Variants in NR1H4 observed in about 807,000 individuals in gnomAD.
The protein encoded by NR1H4 is nuclear receptor subfamily 1 group H member 4.
Under a neutral mutation model 58.5 loss-of-function variants are expected in NR1H4, and 23 were observed. The ratio of observed to expected loss-of-function variants is 0.39; its 90% CI spans 0.28 to 0.56. The LOEUF (loss-of-function observed/expected upper bound fraction) is 0.56, where lower values mean the gene tolerates loss of function less well. Among genes scored for constraint, NR1H4 ranks in the 20% least tolerant of loss-of-function variants. The pLI, the probability that NR1H4 is intolerant of heterozygous loss-of-function variation, is 0.58. For synonymous variants in NR1H4, 214 were observed against 198.0 expected, an observed-to-expected ratio of 1.08 and a Z score of -0.68; for missense variants, 487 against 576.9, an observed-to-expected ratio of 0.84 and a Z score of 1.60.
At chr12:100,482,327 T>C (rs540329088) in intron 1 of NR1H4, among the ~76,000 whole-genome samples, 1 of 152,360 alleles carries the variant, frequency 6.6e-6, no homozygotes, top group Non-Finnish European at 1.5e-5. Flanking sequence ...TCGGCTCTTG[T>C]GTGTATTGTG....
At chr12:100,559,224 C>A (rs1286770025) in intron 9 of NR1H4, among the ~76,000 whole-genome samples, 2 of 152,204 alleles carry the variant, frequency 1.3e-5, no homozygotes, top group Non-Finnish European at 2.9e-5. Flanking sequence ...TGCTGGCAGT[C>A]CTCAGAGCCC....
chr12:100,543,270 T>A (rs1030812734), intron 9 of NR1H4, among the ~76,000 whole-genome samples: 4 of 152,080 alleles, frequency 2.6e-5, no homozygotes, highest in African/African-American at 9.7e-5. Context: ...ATTGAGGGCC[T>A]TGGATGCTGG....
At chr12:100,548,763 A>C (rs761981860) in intron 9 of NR1H4, among the ~76,000 whole-genome samples, 3 of 152,194 alleles carry the variant, frequency 2.0e-5, no homozygotes, top group Non-Finnish European at 2.9e-5. Context: ...TTCTAGGGGA[A>C]ATATATTTGA....
rs1555330004 is a variant in NR1H4 at position 100,475,159 on chromosome 12, A to ATCT, written c.-190+1100_-190+1101insTCT. On this transcript the variant is annotated intron_variant, in intron 1 of 10. Transcript: ENST00000392986. ...TATCTATCTATCTATCTATCTATCT[A>ATCT]AATTTTTTTTTCTGTTCCTAAAAAA... Among the ~76,000 whole-genome samples, 779 of 147,836 alleles carry ATCT rather than the reference A, an allele frequency of 5.3e-3. 4 individuals are homozygous for ATCT. Among genetic ancestry groups the ATCT allele is most frequent in the African/African-American group, 0.02 (745 of 38,146 alleles).
At chr12:100,554,392 AAC>A (rs60582622) in intron 9 of NR1H4, among the ~76,000 whole-genome samples, 2,906 of 147,684 alleles carry the variant, frequency 0.02, 36 homozygotes, top group African/African-American at 0.032. Flanking sequence ...ACTTGTAAAT[AAC>A]ACACACACAC....
chr12:100,547,393 C>A (rs560155696), intron 9 of NR1H4, among the ~76,000 whole-genome samples: 1 of 152,200 alleles, frequency 6.6e-6, no homozygotes, highest in South Asian at 2.1e-4. Context: ...GGCTCCCTAC[C>A]ATTTTGGTAA....
At chr12:100,491,531 C>T (rs186636701) in intron 1 of NR1H4, among the ~76,000 whole-genome samples, 73 of 150,320 alleles carry the variant, frequency 4.9e-4, no homozygotes, top group Non-Finnish European at 3.1e-4. Flanking sequence ...TGGTCAAACA[C>T]AGCTACACTG....
In NR1H4 at chr12:100,538,373, G is replaced by A. The variant is rs139823345; in HGVS notation, c.931+1326G>A. On this transcript the variant is annotated intron_variant, in intron 8 of 10. Transcript: ENST00000392986. The stretch of plus-strand genomic sequence containing the variant: ...GGGCTTGAAATAAAGCAATAGCAGT[G>A]GGGAAGAGAAGAAGAAACAAAAAGA... Among the ~76,000 whole-genome samples the A allele has an allele frequency of 1.3e-3, 203 of 152,222 alleles. 1 individual carries two copies. Among genetic ancestry groups the A allele is most frequent in the African/African-American group, 4.6e-3 (190 of 41,528 alleles).
intron 4 of NR1H4, among the ~76,000 whole-genome samples, chr12:100,516,199 G>A (rs1351143757): frequency 6.6e-6 from 1 of 152,146 alleles, no homozygotes. Context: ...ATAAAATGTA[G>A]ACTTGAAACC....
At chr12:100,537,251 G>A (rs567395171) in intron 8 of NR1H4, among the ~76,000 whole-genome samples, 1 of 152,274 alleles carries the variant, frequency 6.6e-6, no homozygotes, top group East Asian at 1.9e-4. Context: ...CATTGAGAAA[G>A]GCAGGTCTGT....
chr12:100,548,565 T>C lies in NR1H4; in HGVS notation c.1078+7747T>C, dbSNP rs545835854. On this transcript the variant is annotated intron_variant, in intron 9 of 10. Coordinates refer to ENST00000392986, the MANE Select transcript of NR1H4 (RefSeq NM_001206979.2). Reference sequence around the variant, plus strand: ...ATGAGACACTTAGCTTCGAATCTTATCATTTTCATTTGACTCTGCCTGTAG... The same window carrying C: ...ATGAGACACTTAGCTTCGAATCTTACCATTTTCATTTGACTCTGCCTGTAG... 8.9e-4 allele frequency among the ~76,000 whole-genome samples: 136 copies of C among 152,268 alleles called. 2 individuals are homozygous for C. The highest frequency in any genetic ancestry group is 2.8e-3 in the African/African-American group (117 of 41,556).
At chr12:100,481,028 G>A (rs916806231) in intron 1 of NR1H4, among the ~76,000 whole-genome samples, 1 of 152,114 alleles carries the variant, frequency 6.6e-6, no homozygotes, top group Non-Finnish European at 1.5e-5. Flanking sequence ...AAGCTACAAG[G>A]TCTCTTAAAG....
chr12:100,504,962 G>C (rs1483137133), intron 3 of NR1H4, among the ~76,000 whole-genome samples: 1 of 152,200 alleles, frequency 6.6e-6, no homozygotes, highest in Non-Finnish European at 1.5e-5. Context: ...CAGAGTAGGT[G>C]ACCAGAAGTA....
At chr12:100,488,576 T>C (rs1446690922) in intron 1 of NR1H4, among the ~76,000 whole-genome samples, 1 of 152,118 alleles carries the variant, frequency 6.6e-6, no homozygotes, top group Non-Finnish European at 1.5e-5. Flanking sequence ...AAATGACCAA[T>C]AACAGACTCT....
chr12:100,495,596 T>C (rs1953696597), intron 3 of NR1H4, among the ~76,000 whole-genome samples: 1 of 152,010 alleles, frequency 6.6e-6, no homozygotes, highest in African/African-American at 2.4e-5. Context: ...CTTGGTGTGG[T>C]GGTGCATGCC....
In NR1H4 at chr12:100,533,924, C is replaced by T. The variant is rs369033602; in HGVS notation, c.599-966C>T. Among the ~76,000 whole-genome samples the T allele has an allele frequency of 1.3e-3, 200 of 148,946 alleles. 1 individual carries two copies. The highest frequency in any genetic ancestry group is 4.7e-3 in the African/African-American group (189 of 39,908). On this transcript the variant is annotated intron_variant, in intron 5 of 10. Transcript: ENST00000392986. Reference sequence around the variant, plus strand: ...TTTTTTGTTGAGACGGAGTCTCGCTCTGTCGCCCAGGCCGGACTGCGGACT... The same window carrying T: ...TTTTTTGTTGAGACGGAGTCTCGCTTTGTCGCCCAGGCCGGACTGCGGACT...
At chr12:100,537,144 A>G (rs1169956365) in intron 8 of NR1H4, 97 bp downstream of exon 8, 2 of 804,178 alleles carry the variant, frequency 2.5e-6, no homozygotes, top group Non-Finnish European at 2.1e-6. Flanking sequence ...TTAATTTTCA[A>G]AACATTCCTG....
intron 1 of NR1H4, among the ~76,000 whole-genome samples, chr12:100,475,150 T>TATC (rs914482563): frequency 3.5e-5 from 5 of 142,818 alleles, no homozygotes. Context: ...TCTATCTATC[T>TATC]ATCTATCTAA....
At chr12:100,555,798 C>T (rs1011939592) in intron 9 of NR1H4, among the ~76,000 whole-genome samples, 1 of 152,144 alleles carries the variant, frequency 6.6e-6, no homozygotes, top group Admixed American at 6.5e-5. Context: ...GTTTCAAACT[C>T]AGAGCTAGCT....
Sources: gnomAD v4.1 joint callset for allele counts (sites outside exome capture counted in the v4.1 genomes callset) on GRCh38, gnomAD v4.1.1 for gene constraint, MANE v1.5 for transcripts, NCBI Gene and HGNC (gene_info 2026-07-23, HGNC 2026-07-21) for gene names.